CDRT4: variants seen among roughly 807,000 people sequenced by gnomAD.
The protein encoded by CDRT4 is CMT1A duplicated region transcript 4.
For missense variants in CDRT4, 167 were observed against 193.1 expected (o/e 0.87, Z 0.80); for synonymous variants, 64 against 69.6 (o/e 0.92, Z 0.40).
At chr17:15,454,450 C>T (rs1158628336) in intron 1 of CDRT4, among the ~76,000 whole-genome samples, 3 of 152,124 alleles carry the variant, frequency 2.0e-5, no homozygotes, top group Admixed American at 6.5e-5. Flanking sequence ...AAAGAGTCTA[C>T]GAGCCACACA....
chr17:15,444,143 T>C (rs980846523), intron 2 of CDRT4: 1 of 1,268,806 alleles, frequency 7.9e-7, no homozygotes, highest in Non-Finnish European at 1.1e-6. Flanking sequence ...AATTTTTGGA[T>C]GGTATATATG....
rs577298839 is a variant in CDRT4 at position 15,443,833 on chromosome 17, G to A, written c.-47-3548C>T. ...GGGGTAACGGAAAGGAACTGCTACCGTTTGGACTATTTTACTCATGTACAG... is the reference window on the plus strand; with the variant it reads ...GGGGTAACGGAAAGGAACTGCTACCATTTGGACTATTTTACTCATGTACAG... On this transcript the variant is annotated intron_variant, in intron 2 of 3. Transcript: ENST00000619038. The A allele has an allele frequency of 3.1e-4, 175 of 564,270 alleles. 2 individuals are homozygous for A. The highest frequency in any genetic ancestry group is 2.1e-3 in the South Asian group (142 of 68,648). The allele number at this position is 564,270 out of a possible 1,614,324, so 35.0% of individuals were successfully genotyped here.
At chr17:15,459,446 T>C (rs570310162) in intron 1 of CDRT4, among the ~76,000 whole-genome samples, 76 of 141,010 alleles carry the variant, frequency 5.4e-4, no homozygotes, top group Middle Eastern at 3.5e-3. Context: ...TTTCTTTTTT[T>C]TTTTTTTTTT....
chr17:15,459,599 C>A (rs1041254543), intron 1 of CDRT4, among the ~76,000 whole-genome samples: 21 of 151,972 alleles, frequency 1.4e-4, no homozygotes, highest in African/African-American at 5.1e-4. Context: ...CACCCGCCAC[C>A]ACGCCTGGCT....
Position 15,464,300 on chromosome 17 carries a change from T to C in CDRT4, c.-130+3160A>G, listed in dbSNP as rs1424178405. 5.3e-5 allele frequency among the ~76,000 whole-genome samples: 8 copies of C among 152,118 alleles called. No individual in the cohort carries two copies. Among genetic ancestry groups the C allele is most frequent in the Non-Finnish European group, 8.8e-5 (6 of 68,022 alleles). Reference sequence around the variant, plus strand: ...AGAGCTGATGCATCCATACTCCAAATAGACCTTGAGCCCGTCAAAGGCAGA... The same window carrying C: ...AGAGCTGATGCATCCATACTCCAAACAGACCTTGAGCCCGTCAAAGGCAGA... On this transcript the variant is annotated intron_variant, in intron 1 of 3. Transcript: ENST00000619038. This position sits in a 1 kb window ranked among gnomAD's most constrained non-coding sequence, Gnocchi z 4.5.
intron 1 of CDRT4, among the ~76,000 whole-genome samples, chr17:15,456,573 C>G (rs970242932): frequency 1.3e-5 from 2 of 151,654 alleles, no homozygotes; most frequent in Non-Finnish European, 2.9e-5. Context: ...TACACACACA[C>G]ACACACACAC....
chr17:15,440,476 G>C (rs944309859), intron 2 of CDRT4, among the ~76,000 whole-genome samples, 191 bp from the exon 3 acceptor site: 1 of 152,164 alleles, frequency 6.6e-6, no homozygotes, highest in Non-Finnish European at 1.5e-5. Context: ...AGGCCTGCAG[G>C]CATGGCCTTG....
chr17:15,452,815 C>T (rs1236808822), intron 2 of CDRT4, among the ~76,000 whole-genome samples, 189 bp downstream of exon 2: 5 of 152,310 alleles, frequency 3.3e-5, no homozygotes, highest in African/African-American at 9.6e-5. Context: ...CTATCAAGGC[C>T]GTCTATCCCA....
chr17:15,459,600 A>G (rs2150798208), intron 1 of CDRT4, among the ~76,000 whole-genome samples: 1 of 151,078 alleles, frequency 6.6e-6, no homozygotes, highest in South Asian at 2.1e-4. Context: ...ACCCGCCACC[A>G]CGCCTGGCTA....
intron 1 of CDRT4, among the ~76,000 whole-genome samples, chr17:15,455,141 G>A (rs1388638673): frequency 2.0e-5 from 3 of 152,140 alleles, no homozygotes; most frequent in African/African-American, 7.2e-5. Context: ...GAAAACAAGT[G>A]TGGATGCTGT....
chr17:15,443,357 G>A (rs781695216), intron 2 of CDRT4, among the ~76,000 whole-genome samples: 5 of 149,136 alleles, frequency 3.4e-5, no homozygotes, highest in African/African-American at 1.0e-4. Context: ...GTAGCTCACC[G>A]CAGCCTTGAA....
At chr17:15,443,765 T>G in intron 2 of CDRT4, 2 of 505,358 alleles carry the variant, frequency 4.0e-6, no homozygotes, top group South Asian at 3.2e-5. Context: ...GAACCCAGTC[T>G]TCTCGGACAG....
In CDRT4 at chr17:15,437,991, A is replaced by T; in HGVS notation, c.241T>A (p.Ser81Thr). ...SSVIQPKRRKSSKSSGKAVFR... is the reference protein window; with the variant it reads ...SSVIQPKRRKTSKSSGKAVFR... Reference sequence around the variant, plus strand: ...ACAGCTTTGCCAGAAGACTTGGAAGACTTCCTCCTTTTCGGCTGAATGACG... The same window carrying T: ...ACAGCTTTGCCAGAAGACTTGGAAGTCTTCCTCCTTTTCGGCTGAATGACG... The change falls in exon 4 of 4, where the codon TCT becomes ACT. Residue 81 changes from serine (S) to threonine (T), a missense_variant. Ser to Thr is a moderately conservative substitution (Grantham distance 58, BLOSUM62 1). Transcript: ENST00000619038. 1 of 1,614,152 alleles carries T rather than the reference A, an allele frequency of 6.2e-7. No individual in the cohort carries two copies. Among genetic ancestry groups the T allele is most frequent in the South Asian group, 1.1e-5 (1 of 91,084 alleles).
At chr17:15,465,340 CAG>C (rs1218037281) in intron 1 of CDRT4, among the ~76,000 whole-genome samples, 7 of 146,900 alleles carry the variant, frequency 4.8e-5, no homozygotes, top group Non-Finnish European at 9.0e-5. Context: ...ATGCACAACA[CAG>C]ACACATACCA....
chr17:15,460,893 G>A (rs1379420308), intron 1 of CDRT4, among the ~76,000 whole-genome samples: 3 of 115,520 alleles, frequency 2.6e-5, no homozygotes, highest in Non-Finnish European at 5.3e-5. Flanking sequence ...CTTCCCCACC[G>A]CCAACCACCC....
At chr17:15,440,068 C>T (rs529265543) in intron 3 of CDRT4, 140 bp downstream of exon 3, 2 of 682,920 alleles carry the variant, frequency 2.9e-6, no homozygotes, top group Admixed American at 3.6e-5. Context: ...TGCACATGTA[C>T]CCTAGAACTT....
In CDRT4 at chr17:15,450,295, C is replaced by G. The variant is rs1197253237; in HGVS notation, c.-48+2709G>C. 1.3e-5 allele frequency among the ~76,000 whole-genome samples: 2 copies of G among 152,198 alleles called. No homozygotes were observed. The highest frequency in any genetic ancestry group is 2.4e-5 in the African/African-American group (1 of 41,448). On this transcript the variant is annotated intron_variant, in intron 2 of 3. Transcript: ENST00000619038. The surrounding 1 kb of genome is among the most constrained non-coding windows in gnomAD (Gnocchi z 4.2). The stretch of plus-strand genomic sequence containing the variant: ...AGAACTCCCTCATCTCCCACCATCA[C>G]TCGTACCAACTCTCCACCATAAGCT...
chr17:15,465,559 C>A (rs555606600), intron 1 of CDRT4, among the ~76,000 whole-genome samples: 3 of 151,120 alleles, frequency 2.0e-5, no homozygotes, highest in African/African-American at 7.3e-5. Context: ...ACACACACAA[C>A]AAAGACACTT....
chr17:15,458,412 A>AGG (rs894419137), intron 1 of CDRT4, among the ~76,000 whole-genome samples: 7 of 152,086 alleles, frequency 4.6e-5, no homozygotes, highest in African/African-American at 1.7e-4. Flanking sequence ...GTCAGAGTGG[A>AGG]GGGGGGAACC....
Sources: allele counts gnomAD v4.1 joint callset (sites outside exome capture counted in the v4.1 genomes callset), GRCh38; gene constraint gnomAD v4.1.1; non-coding constraint Gnocchi (gnomAD v3.1); transcripts MANE v1.5; gene names NCBI Gene and HGNC (gene_info 2026-07-23, HGNC 2026-07-21).